Variants in ASCC2 observed in about 807,000 individuals in gnomAD.
ASCC2 encodes the protein ASC-1 complex subunit P100.
A neutral mutation model predicts 93.5 loss-of-function variants in ASCC2; 42 were observed. The observed-to-expected ratio is 0.45, with a 90% CI of 0.35 to 0.58. The LOEUF (loss-of-function observed/expected upper bound fraction) is 0.58. ASCC2 is among the 20% of genes least tolerant of loss of function. The probability of loss-of-function intolerance (pLI) is 0.00; values close to 1 mark genes in which losing one functional copy is unlikely to be tolerated. For missense variants in ASCC2, 859 were observed against 977.6 expected (o/e 0.88, Z 1.62); for synonymous variants, 364 against 384.2 (o/e 0.95, Z 0.62).
intron 13 of ASCC2, among the ~76,000 whole-genome samples, chr22:29,803,629 T>C (rs2059352536): frequency 6.6e-6 from 1 of 152,224 alleles, no homozygotes; most frequent in South Asian, 2.1e-4. Context: ...GTGGAGATGC[T>C]CCCCTTTAAT....
chr22:29,816,315 T>C lies in ASCC2; in HGVS notation c.542-242A>G, dbSNP rs553074900. ...GCTCAGTATGATTTAACCTTTTAAG[T>C]ACCTCTGCCTAGTGAATTACATAAA... On this transcript the variant is annotated intron_variant, in intron 5 of 19. Coordinates refer to ENST00000307790, the MANE Select transcript of ASCC2 (RefSeq NM_032204.5). 3.1e-3 allele frequency among the ~76,000 whole-genome samples: 469 copies of C among 152,260 alleles called. 1 individual carries two copies. The highest frequency in any genetic ancestry group is 2.8e-3 in the Non-Finnish European group (189 of 68,014).
chr22:29,835,883 T>A (rs917216053), intron 1 of ASCC2, among the ~76,000 whole-genome samples: 11 of 152,084 alleles, frequency 7.2e-5, no homozygotes, highest in Admixed American at 6.6e-5. Context: ...AACTACAGTA[T>A]AGTAGAGAAA....
At chr22:29,838,027 T>G (rs2148477171) in intron 1 of ASCC2, among the ~76,000 whole-genome samples, 151 bp downstream of exon 1, 1 of 152,310 alleles carries the variant, frequency 6.6e-6, no homozygotes, top group East Asian at 1.9e-4. Context: ...CGGCCAAGTC[T>G]CGAGAGGCGG....
Position 29,811,321 on chromosome 22 carries a change from C to A in ASCC2, c.833+2109G>T, listed in dbSNP as rs574427210. ...TCTCTGGAAAATTCCACCAAAAAAA[C>A]CTAATGATGGCTGTATGTGAATAAT... On this transcript the variant is annotated intron_variant, in intron 8 of 19. Transcript: ENST00000307790. Among the ~76,000 whole-genome samples the A allele has an allele frequency of 1.2e-4, 18 of 152,250 alleles. No homozygotes were observed. The East Asian group carries it at 1.4e-3, about 11-fold the overall frequency.
In ASCC2 at chr22:29,804,817, T is replaced by G. The variant is rs764314660; in HGVS notation, c.1174A>C (p.Thr392Pro). The part of the protein sequence containing the change: ...QASSVLDETR[T>P]AYILQAVESA... The stretch of plus-strand genomic sequence containing the variant: ...TCGACTGCCTGGAGGATGTAGGCAG[T>G]CCGCGTCTCGTCCCTGTGAGGACTT... The change falls in exon 13 of 20, where the codon ACT (threonine) becomes CCT (proline). Residue 392 changes from threonine (T) to proline (P), a missense_variant. Coordinates refer to ENST00000307790, the MANE Select transcript of ASCC2 (RefSeq NM_032204.5). 1 of 1,614,032 alleles carries G rather than the reference T, an allele frequency of 6.2e-7. No homozygotes were observed. The highest frequency in any genetic ancestry group is 8.5e-7 in the Non-Finnish European group (1 of 1,179,946).
At chr22:29,807,015 G>A in intron 9 of ASCC2, 111 bp from the exon 10 acceptor site, 1 of 748,532 alleles carries the variant, frequency 1.3e-6, no homozygotes, top group Non-Finnish European at 2.1e-6. Context: ...GAGGTGGGAG[G>A]ATCACTTGAG....
chr22:29,836,376 T>A (rs1417259190), intron 1 of ASCC2: 2 of 78,376 alleles, frequency 2.6e-5, no homozygotes, highest in South Asian at 5.0e-4. Context: ...CGAGACTCCA[T>A]CTCAAAAAAA....
chr22:29,808,079 C>T, intron 9 of ASCC2, 32 bp downstream of exon 9: 1 of 1,611,388 alleles, frequency 6.2e-7, no homozygotes. Context: ...CTCTGTCCCA[C>T]AACAACATTC....
At chr22:29,815,879 G>C (rs1414875671) in intron 6 of ASCC2, 127 bp downstream of exon 6, 2 of 759,990 alleles carry the variant, frequency 2.6e-6, no homozygotes, top group Admixed American at 4.9e-5. Flanking sequence ...ACTGTCTGGG[G>C]AGATGCGAGA....
At chr22:29,834,676 GCC>G in intron 1 of ASCC2, 1 of 399,208 alleles carries the variant, frequency 2.5e-6, no homozygotes, top group South Asian at 1.9e-5. Flanking sequence ...TGTCTTACTA[GCC>G]TCTCACAACA....
chr22:29,824,932 G>A (rs1298096143), intron 4 of ASCC2, among the ~76,000 whole-genome samples, 155 bp downstream of exon 4: 3 of 152,144 alleles, frequency 2.0e-5, no homozygotes, highest in African/African-American at 4.8e-5. Flanking sequence ...GATAAGGGAC[G>A]TGGCACAGAT....
chr22:29,824,247 T>A (rs1474122330), intron 4 of ASCC2, among the ~76,000 whole-genome samples: 1 of 88,804 alleles, frequency 1.1e-5, no homozygotes, highest in Non-Finnish European at 2.3e-5. Flanking sequence ...TCCTATTTTT[T>A]AAATACACAC....
Position 29,814,641 on chromosome 22 carries a change from C to T in ASCC2, c.720+16G>A, listed in dbSNP as rs369971561. 172 of 1,579,878 alleles carry T rather than the reference C, an allele frequency of 1.1e-4. 2 individuals carry two copies. Among genetic ancestry groups the T allele is most frequent in the African/African-American group, 1.5e-4 (11 of 72,670 alleles). On this transcript the variant is annotated intron_variant, in intron 7 of 19. Transcript: ENST00000307790. ...GGACCCGGCAGGAAAGAGACTGGGCCGAAGGGCAACCTTACCAGGAGAGGC... is the reference window on the plus strand; with the variant it reads ...GGACCCGGCAGGAAAGAGACTGGGCTGAAGGGCAACCTTACCAGGAGAGGC...
At chr22:29,837,771 C>T (rs1335306070) in intron 1 of ASCC2, among the ~76,000 whole-genome samples, 1 of 152,202 alleles carries the variant, frequency 6.6e-6, no homozygotes, top group African/African-American at 2.4e-5. Context: ...ATTTGCTTGT[C>T]GTTGACCATC....
intron 19 of ASCC2, 65 bp from the exon 20 acceptor site, chr22:29,789,249 C>G: frequency 6.3e-7 from 1 of 1,585,526 alleles, no homozygotes; most frequent in Non-Finnish European, 8.6e-7. Context: ...CGGGAGAGCC[C>G]ACAGCCTGCC....
intron 8 of ASCC2, among the ~76,000 whole-genome samples, chr22:29,811,846 TATG>T (rs1225925300): frequency 6.6e-6 from 1 of 152,236 alleles, no homozygotes; most frequent in African/African-American, 2.4e-5. Flanking sequence ...GGAAAATGCC[TATG>T]ATAAGCGAAA....
chr22:29,826,398 C>T (rs1022476160), intron 2 of ASCC2, among the ~76,000 whole-genome samples: 1 of 152,066 alleles, frequency 6.6e-6, no homozygotes, highest in African/African-American at 2.4e-5. Context: ...CTCACGGCAG[C>T]CTCTACCTCC....
chr22:29,788,832 T>C lies in ASCC2; in HGVS notation c.*181A>G. 1.4e-6 allele frequency: 1 copy of C among 693,984 alleles called. No homozygotes were observed. Among genetic ancestry groups the C allele is most frequent in the Non-Finnish European group, 2.4e-6 (1 of 415,344 alleles). The allele number at this position is 693,984 out of a possible 1,614,324, so 43.0% of individuals were successfully genotyped here. A position where few individuals can be genotyped will look rare whatever the true frequency, so the allele number is the denominator to read the frequency against. Reference sequence around the variant, plus strand: ...GGCTGTGGCATAAGGCACTGTGTGTTCTGCAGGAAGGCGCTCATGGCTGGC... The same window carrying C: ...GGCTGTGGCATAAGGCACTGTGTGTCCTGCAGGAAGGCGCTCATGGCTGGC... On this transcript the variant is annotated 3_prime_UTR_variant, in exon 20 of 20. Transcript: ENST00000307790.
chr22:29,835,056 A>G (rs2063608740), intron 1 of ASCC2, among the ~76,000 whole-genome samples: 1 of 152,284 alleles, frequency 6.6e-6, no homozygotes, highest in East Asian at 1.9e-4. Context: ...TTTAACCTCT[A>G]GGCCCCACAG....
Sources: allele counts gnomAD v4.1 joint callset (sites outside exome capture counted in the v4.1 genomes callset), GRCh38; gene constraint gnomAD v4.1.1; transcripts MANE v1.5; gene names NCBI Gene and HGNC (gene_info 2026-07-23, HGNC 2026-07-21).